RBFOX1: variants seen among roughly 807,000 people sequenced by gnomAD.
RBFOX1 encodes the protein RNA binding fox-1 homolog 1, also known as RNA binding protein fox-1 homolog 1.
Under a neutral mutation model 57.7 loss-of-function variants are expected in RBFOX1, and 8 were observed. The observed-to-expected ratio is 0.14, with a 90% confidence interval of 0.08 to 0.25. The LOEUF is 0.25. RBFOX1 is among the 10% of genes least tolerant of loss of function. RBFOX1 has a pLI of 1.00. For synonymous variants in RBFOX1, 326 were observed against 222.4 expected, an observed-to-expected ratio of 1.47 and a Z score of -4.15; for missense variants, 611 against 548.5, an observed-to-expected ratio of 1.11 and a Z score of -1.14.
Position 5,499,485 on chromosome 16 carries a change from C to CT in RBFOX1, c.258+32233dup, listed in dbSNP as rs2043114695. Among the ~76,000 whole-genome samples the CT allele has an allele frequency of 2.0e-5, 3 of 152,130 alleles. No individual in the cohort carries two copies. The South Asian group carries it at 6.2e-4, about 32-fold the overall frequency. The stretch of plus-strand genomic sequence containing the variant: ...CACTTGAGAGATGGACAAACAGAGG[C>CT]TTAGAGAGGCTACATCACTTAACCA... On this transcript the variant is annotated intron_variant, in intron 2 of 2. Coordinates refer to the RBFOX1 transcript ENST00000585867.
intron 2 of RBFOX1, among the ~76,000 whole-genome samples, chr16:6,453,111 T>A (rs1376415534): frequency 6.6e-6 from 1 of 152,142 alleles, no homozygotes; most frequent in Non-Finnish European, 1.5e-5. Flanking sequence ...CCTGACTTTC[T>A]TTTTTTAATT....
At chr16:5,753,086 G>T (rs1317644879) in intron 3 of RBFOX1, among the ~76,000 whole-genome samples, 2 of 151,950 alleles carry the variant, frequency 1.3e-5, no homozygotes, top group East Asian at 3.9e-4. Flanking sequence ...CTTTAACCTA[G>T]GAGGTTGAGA....
At chr16:6,938,301 G>A (rs556998596) in intron 3 of RBFOX1, among the ~76,000 whole-genome samples, 1 of 152,024 alleles carries the variant, frequency 6.6e-6, no homozygotes, top group East Asian at 1.9e-4. Flanking sequence ...TTTTGGTATC[G>A]TCACAAGGAA....
intron 2 of RBFOX1, among the ~76,000 whole-genome samples, chr16:6,423,243 G>A (rs900309969): frequency 5.3e-5 from 8 of 152,162 alleles, no homozygotes; most frequent in East Asian, 1.9e-4. Context: ...TCGGCCTTCC[G>A]CAAGCTGCAG....
At chr16:7,007,046 C>T (rs905671444) in intron 3 of RBFOX1, among the ~76,000 whole-genome samples, 2 of 152,162 alleles carry the variant, frequency 1.3e-5, no homozygotes, top group Non-Finnish European at 2.9e-5. Flanking sequence ...ATCTAGTTGG[C>T]TCATCTGGTT....
chr16:5,946,232 C>G lies in RBFOX1; in HGVS notation c.351+78897C>G, dbSNP rs1329243408. ...TGCCACATTAGATGCCTTCACGTCT[C>G]TAAGTGTCTCTAAGTCTCAGCTTTC... On this transcript the variant is annotated intron_variant, in intron 4 of 19. Coordinates refer to the RBFOX1 transcript ENST00000641259. This position sits in a 1 kb window ranked among gnomAD's most constrained non-coding sequence, Gnocchi z 4.6. Among the ~76,000 whole-genome samples, 1 of 152,198 alleles carries G rather than the reference C, an allele frequency of 6.6e-6. No individual in the cohort carries two copies. The highest frequency in any genetic ancestry group is 1.9e-4 in the East Asian group (1 of 5,196).
At chr16:6,611,119 C>G (rs1238300998) in intron 2 of RBFOX1, among the ~76,000 whole-genome samples, 1 of 152,050 alleles carries the variant, frequency 6.6e-6, no homozygotes, top group Non-Finnish European at 1.5e-5. Flanking sequence ...TTGGAGATGA[C>G]AAAGTGGACT....
intron 2 of RBFOX1, among the ~76,000 whole-genome samples, chr16:6,542,113 A>G (rs1196966719): frequency 1.3e-5 from 2 of 151,940 alleles, no homozygotes; most frequent in South Asian, 2.1e-4. Context: ...TTCTTTAGAG[A>G]CAGGCTATTG....
intron 1 of RBFOX1, among the ~76,000 whole-genome samples, chr16:5,452,043 G>A (rs1400952445): frequency 6.6e-6 from 1 of 151,506 alleles, no homozygotes; most frequent in African/African-American, 2.4e-5. Flanking sequence ...TCCTCTCCTA[G>A]GTTAATGCCA....
chr16:6,443,409 G>T (rs1230717027), intron 2 of RBFOX1, among the ~76,000 whole-genome samples: 1 of 152,008 alleles, frequency 6.6e-6, no homozygotes, highest in African/African-American at 2.4e-5. Context: ...CCCCATCCTG[G>T]CCAAGCATGC....
chr16:5,532,085 C>T (rs1299478004), intron 2 of RBFOX1, among the ~76,000 whole-genome samples: 6 of 152,198 alleles, frequency 3.9e-5, no homozygotes. Context: ...AGGCGTGAAC[C>T]ACCATGCGTG....
intron 3 of RBFOX1, among the ~76,000 whole-genome samples, chr16:5,692,168 TGTGTGTGTGTGTGTG>T (rs1229611095): frequency 0.038 from 5,454 of 143,508 alleles, 194 homozygotes; most frequent in East Asian, 0.16. Context: ...GGACTGACTG[TGTGTGTGTGTGTGTG>T]TGTGTGTGTG....
chr16:7,401,937 C>G (rs2098251004), intron 4 of RBFOX1, among the ~76,000 whole-genome samples: 1 of 152,092 alleles, frequency 6.6e-6, no homozygotes, highest in South Asian at 2.1e-4. Context: ...GTTAAATCTC[C>G]AAAAGAGGAA....
intron 2 of RBFOX1, among the ~76,000 whole-genome samples, chr16:5,513,754 A>G (rs1468776623): frequency 6.6e-6 from 1 of 152,132 alleles, no homozygotes; most frequent in Non-Finnish European, 1.5e-5. Flanking sequence ...TGTTGCTCAA[A>G]TTGTGCCAGA....
intron 3 of RBFOX1, among the ~76,000 whole-genome samples, chr16:5,646,242 G>T (rs2049052606): frequency 6.7e-6 from 1 of 148,956 alleles, no homozygotes; most frequent in African/African-American, 2.5e-5. Context: ...AGCCAGGATG[G>T]TCTCAATCTC....
rs369184188 is a variant in RBFOX1, at chr16:5,684,285, C to G, written c.318+85324C>G. On this transcript the variant is annotated intron_variant, in intron 3 of 19. Transcript: ENST00000641259. ...GCAGACAGAATCTAACAGATTTGAA[C>G]TAATAGGATATATATCTATATCCTA... Among the ~76,000 whole-genome samples the G allele has an allele frequency of 3.3e-5, 5 of 152,198 alleles. No homozygotes were observed. The East Asian group carries it at 9.7e-4, about 29-fold the overall frequency.
intron 3 of RBFOX1, among the ~76,000 whole-genome samples, chr16:6,762,305 T>C (rs577472662): frequency 2.6e-5 from 4 of 152,332 alleles, no homozygotes; most frequent in African/African-American, 7.2e-5. Flanking sequence ...TACTGACTTT[T>C]GGTCTTCAGT....
intron 3 of RBFOX1, among the ~76,000 whole-genome samples, chr16:7,038,685 C>T (rs1044335737): frequency 6.6e-6 from 1 of 152,146 alleles, no homozygotes; most frequent in Non-Finnish European, 1.5e-5. Flanking sequence ...TGCATTCTTG[C>T]AGAAAGCAGA....
chr16:5,244,213 C>T (rs1567228940), intron 1 of RBFOX1, among the ~76,000 whole-genome samples: 1 of 152,238 alleles, frequency 6.6e-6, no homozygotes, highest in East Asian at 1.9e-4. Flanking sequence ...AGCATTGTAA[C>T]ACAGACAAAG....
Sources: allele counts gnomAD v4.1 joint callset (sites outside exome capture counted in the v4.1 genomes callset), GRCh38; gene constraint gnomAD v4.1.1; non-coding constraint Gnocchi (gnomAD v3.1); transcripts MANE v1.5; gene names NCBI Gene and HGNC (gene_info 2026-07-23, HGNC 2026-07-21).